SRC: variants seen among roughly 807,000 people sequenced by gnomAD.
SRC encodes the protein SRC proto-oncogene, non-receptor tyrosine kinase.
SRC carries 13 observed loss-of-function variants against 62.9 expected under a neutral mutation model. The ratio of observed to expected loss-of-function variants is 0.21; its 90% CI spans 0.13 to 0.33. SRC has a LOEUF of 0.33. Among genes scored for constraint, SRC ranks in the 10% least tolerant of loss-of-function variants. The pLI is 1.00. For synonymous variants in SRC, 302 were observed against 317.5 expected, an observed-to-expected ratio of 0.95 and a Z score of 0.52; for missense variants, 457 against 737.3, an observed-to-expected ratio of 0.62 and a Z score of 4.40.
chr20:37,373,708 T>C (rs2070234059), intron 2 of SRC, among the ~76,000 whole-genome samples: 1 of 152,258 alleles, frequency 6.6e-6, no homozygotes, highest in Non-Finnish European at 1.5e-5. Flanking sequence ...GATCCAGCTT[T>C]GTTTTCTGAT....
chr20:37,378,273 C>A lies in SRC; in HGVS notation c.-172-4346C>A, dbSNP rs557979129. 3.3e-5 allele frequency among the ~76,000 whole-genome samples: 5 copies of A among 151,464 alleles called. No individual in the cohort carries two copies. In the South Asian group the frequency reaches 1.0e-3, roughly 32 times the overall value. On this transcript the variant is annotated intron_variant, in intron 2 of 13. Transcript: ENST00000373578. Reference sequence around the variant, plus strand: ...AAACTCCAGGGCTCAAGTGATCCCCCCACCTCAGCCTTCCAAGTAGCTGGG... The same window carrying A: ...AAACTCCAGGGCTCAAGTGATCCCCACACCTCAGCCTTCCAAGTAGCTGGG...
chr20:37,374,174 G>C (rs1024604259), intron 2 of SRC, among the ~76,000 whole-genome samples: 1 of 151,424 alleles, frequency 6.6e-6, no homozygotes, highest in African/African-American at 2.4e-5. Context: ...CTGCCTCCCA[G>C]GTTCAAGCGA....
intron 2 of SRC, among the ~76,000 whole-genome samples, chr20:37,378,455 C>T (rs1383793088): frequency 1.3e-5 from 2 of 152,074 alleles, no homozygotes; most frequent in Non-Finnish European, 2.9e-5. Flanking sequence ...TGCTCACAAC[C>T]CTATTATGTG....
chr20:37,387,197 C>T (rs1172390501), intron 5 of SRC, among the ~76,000 whole-genome samples: 1 of 152,254 alleles, frequency 6.6e-6, no homozygotes, highest in African/African-American at 2.4e-5. Context: ...TCATGCCCCA[C>T]TTGCCTTGCG....
chr20:37,353,419 G>A (rs1411922304), intron 1 of SRC, among the ~76,000 whole-genome samples: 1 of 152,052 alleles, frequency 6.6e-6, no homozygotes, highest in African/African-American at 2.4e-5. Context: ...GGACTTGGAG[G>A]GTTCCTTCTA....
At position 37,400,194 on chromosome 20, in the gene SRC, G is replaced by A. The variant is rs780264746; in HGVS notation, c.939G>A (p.Glu313=). 1.9e-6 allele frequency: 3 copies of A among 1,614,112 alleles called. No individual in the cohort carries two copies. The highest frequency in any genetic ancestry group is 2.5e-6 in the Non-Finnish European group (3 of 1,179,982). The change falls in exon 10 of 14, where the codon GAG becomes GAA. Residue 313 remains glutamate, a synonymous_variant. Coordinates refer to ENST00000373578, the MANE Select transcript of SRC (RefSeq NM_198291.3). ...TGTCTCCAGAGGCCTTCCTGCAGGA[G>A]GCCCAGGTCATGAAGAAGCTGAGGC... The part of the protein sequence containing the change: ...GTMSPEAFLQ[E]AQVMKKLRHE...
Position 37,384,641 on chromosome 20 carries a change from T to G in SRC, c.250+238T>G, listed in dbSNP as rs78967920. Among the ~76,000 whole-genome samples, 151,745 of 151,774 alleles carry G rather than the reference T, an allele frequency of 1. 75,858 individuals carry two copies. The highest frequency in any genetic ancestry group is 1 in the Middle Eastern group (288 of 288). On this transcript the variant is annotated intron_variant, in intron 4 of 13. Transcript: ENST00000373578. This position sits in a 1 kb window ranked among gnomAD's most constrained non-coding sequence, Gnocchi z 6.7. ...CGCAAAAGACACGGGGTGTGGTTAATGGGTTCTAATTGGACGCTTAAGCCC... is the reference window on the plus strand; with the variant it reads ...CGCAAAAGACACGGGGTGTGGTTAAGGGGTTCTAATTGGACGCTTAAGCCC...
chr20:37,375,872 C>G (rs765502232), intron 2 of SRC, among the ~76,000 whole-genome samples: 73 of 152,236 alleles, frequency 4.8e-4, no homozygotes, highest in Non-Finnish European at 1.0e-3. Context: ...CTGATGAGGA[C>G]TCTCTTCCTG....
rs1207997534 is a variant in SRC, at chr20:37,394,245, C to G, written c.521C>G (p.Thr174Ser). 6.2e-7 allele frequency: 1 copy of G among 1,614,040 alleles called. No homozygotes were observed. Residue 174 changes from threonine (T) to serine (S), a missense_variant, in exon 7 of 14, where the codon ACC becomes AGC. Transcript: ENST00000373578. Reference protein sequence around the residue: ...LLLNAENPRGTFLVRESETTK... With the variant: ...LLLNAENPRGSFLVRESETTK... ...CTCAATGCAGAGAACCCGAGAGGGA[C>G]CTTCCTCGTGCGAGAAAGTGAGACC...
chr20:37,357,636 G>A (rs553988374), intron 1 of SRC, among the ~76,000 whole-genome samples: 7 of 152,214 alleles, frequency 4.6e-5, no homozygotes, highest in African/African-American at 9.6e-5. Flanking sequence ...AGCTGTGGTC[G>A]GTCCATGCTA....
At position 37,396,493 on chromosome 20, in the gene SRC, C is replaced by T; in HGVS notation, c.703+182C>T. The T allele has an allele frequency of 1.3e-6, 1 of 747,728 alleles. No homozygotes were observed. The highest frequency in any genetic ancestry group is 1.9e-5 in the South Asian group (1 of 53,722). 46.3% of individuals were successfully genotyped at this position (747,728 alleles called of 1,614,324 possible). On this transcript the variant is annotated intron_variant, in intron 8 of 13. Coordinates refer to ENST00000373578, the MANE Select transcript of SRC (RefSeq NM_198291.3). The surrounding 1 kb of genome is among the most constrained non-coding windows in gnomAD (Gnocchi z 6.1). ...TCCTTTCCTTGTCTCCTTCTTCTTC[C>T]TCTTCTTTCCCCCAGCCCCCCTCCT... is the stretch of plus-strand genomic sequence containing the variant.
Position 37,397,766 on chromosome 20 carries a change from C to T in SRC, c.771C>T (p.Gly257=). 6.2e-7 allele frequency: 1 copy of T among 1,612,272 alleles called. No homozygotes were observed. Among genetic ancestry groups the T allele is most frequent in the Non-Finnish European group, 8.5e-7 (1 of 1,179,560 alleles). Residue 257 remains glycine (G), a synonymous_variant, in exon 9 of 14, where the codon GGC becomes GGT. Coordinates refer to ENST00000373578, the MANE Select transcript of SRC (RefSeq NM_198291.3). This position sits in a 1 kb window ranked among gnomAD's most constrained non-coding sequence, Gnocchi z 4.1. Reference sequence around the variant, plus strand: ...CCACGTCCAAGCCGCAGACTCAGGGCCTGGCCAAGGATGCCTGGGAGATCC... The same window carrying T: ...CCACGTCCAAGCCGCAGACTCAGGGTCTGGCCAAGGATGCCTGGGAGATCC... The part of the protein sequence containing the change: ...VCPTSKPQTQ[G]LAKDAWEIPR...
At position 37,351,391 on chromosome 20, in the gene SRC, C is replaced by T. The variant is rs138353219; in HGVS notation, c.-247+5136C>T. On this transcript the variant is annotated intron_variant, in intron 1 of 13. Transcript: ENST00000373578. The surrounding 1 kb of genome is among the most constrained non-coding windows in gnomAD (Gnocchi z 4.4). ...GGGAGTGCTCCAGGGGCAGGCCCAG[C>T]GGAGTCTTTTTTGGTGCTCATGTAG... Among the ~76,000 whole-genome samples, 119 of 152,026 alleles carry T rather than the reference C, an allele frequency of 7.8e-4. No homozygotes were observed. The highest frequency in any genetic ancestry group is 1.2e-3 in the Non-Finnish European group (84 of 67,970).
intron 1 of SRC, among the ~76,000 whole-genome samples, chr20:37,347,244 C>T (rs924249779): frequency 1.2e-4 from 19 of 152,172 alleles, no homozygotes; most frequent in African/African-American, 4.6e-4. Context: ...GGGGTAAGTC[C>T]AGGCCCAGCC....
rs1337494647 is a variant in SRC, at chr20:37,404,885, T to TATGTGTGTGC, written c.*1514_*1523dup. The TATGTGTGTGC allele has an allele frequency of 8.6e-5, 20 of 233,748 alleles. No homozygotes were observed. The highest frequency in any genetic ancestry group is 7.8e-4 in the East Asian group (13 of 16,608). 14.5% of individuals were successfully genotyped at this position (233,748 alleles called of 1,614,324 possible). A position where few individuals can be genotyped will look rare whatever the true frequency, so the allele number is the denominator to read the frequency against. On this transcript the variant is annotated 3_prime_UTR_variant, in exon 14 of 14. Transcript: ENST00000373578. ...CTTGCCAAGGGTCCCTGTGTGTGTG[T>TATGTGTGTGC]ATGTGTGTGCATGTGTGCGTGTCTC...
intron 5 of SRC, among the ~76,000 whole-genome samples, chr20:37,388,223 G>T (rs1378592123): frequency 6.6e-6 from 1 of 151,104 alleles, no homozygotes; most frequent in Non-Finnish European, 1.5e-5. Flanking sequence ...CCTGGATTCA[G>T]AGAGTAGCCC....
intron 2 of SRC, among the ~76,000 whole-genome samples, chr20:37,380,794 C>T (rs377333582): frequency 6.6e-6 from 1 of 152,072 alleles, no homozygotes; most frequent in Non-Finnish European, 1.5e-5. Flanking sequence ...TGGAAGGAAA[C>T]GCACCACCAC....
Position 37,396,329 on chromosome 20 carries a change from G to T in SRC, c.703+18G>T, listed in dbSNP as rs1413961069. The stretch of plus-strand genomic sequence containing the variant: ...CTACTCCAGTGAGCCAGCCTCGGAG[G>T]GCGGAGGGCGGGCGGGCAAAGCCTC... On this transcript the variant is annotated intron_variant, in intron 8 of 13. Coordinates refer to ENST00000373578, the MANE Select transcript of SRC (RefSeq NM_198291.3). This position sits in a 1 kb window ranked among gnomAD's most constrained non-coding sequence, Gnocchi z 6.1. 1.2e-6 allele frequency: 2 copies of T among 1,611,696 alleles called. No individual in the cohort carries two copies. The highest frequency in any genetic ancestry group is 1.3e-5 in the African/African-American group (1 of 74,930).
intron 2 of SRC, among the ~76,000 whole-genome samples, chr20:37,378,106 C>T (rs1410442423): frequency 6.7e-6 from 1 of 148,434 alleles, no homozygotes; most frequent in Admixed American, 6.7e-5. Flanking sequence ...CATGGTCTCA[C>T]TGTGTTGCTC....
Sources: gnomAD v4.1 joint callset for allele counts (sites outside exome capture counted in the v4.1 genomes callset) on GRCh38, gnomAD v4.1.1 for gene constraint, Gnocchi (gnomAD v3.1) non-coding constraint, MANE v1.5 for transcripts, NCBI Gene and HGNC (gene_info 2026-07-23, HGNC 2026-07-21) for gene names.